PPFIBP2: variants seen among roughly 807,000 people sequenced by gnomAD.
PPFIBP2 encodes PPFIB scaffold protein 2, also known as liprin-beta-2.
A neutral mutation model predicts 118.3 loss-of-function variants in PPFIBP2; 118 were observed. That is an observed-to-expected ratio of 1.00 (90% CI 0.86 to 1.16). The LOEUF is 1.16. Among genes scored for constraint, PPFIBP2 ranks in the 50% most tolerant of loss-of-function variants. PPFIBP2 has a pLI of 0.00. For synonymous variants in PPFIBP2, 414 were observed against 397.4 expected (o/e 1.04, Z -0.50); for missense variants, 1,195 against 1,073.1 (o/e 1.11, Z -1.59).
intron 3 of PPFIBP2, among the ~76,000 whole-genome samples, chr11:7,584,101 T>G (rs1448731308): frequency 6.6e-6 from 1 of 152,250 alleles, no homozygotes; most frequent in African/African-American, 2.4e-5. Context: ...ATTTCTTTTT[T>G]CCTTCTGTCC....
intron 3 of PPFIBP2, among the ~76,000 whole-genome samples, chr11:7,568,485 ACT>A (rs1009938456): frequency 4.6e-5 from 7 of 151,888 alleles, no homozygotes; most frequent in African/African-American, 1.2e-4. Flanking sequence ...CAGGAGGGAA[ACT>A]CTCTGCAACC....
chr11:7,666,387 C>A, the PPFIBP2 span: 2 of 1,014,166 alleles, frequency 2.0e-6, no homozygotes, highest in Non-Finnish European at 3.1e-6. Flanking sequence ...AGACAGAGAC[C>A]AGTCCTCAAA....
rs1312199894 is a variant in PPFIBP2, at chr11:7,577,703, GT to G, written c.279+11940del. ...AAGTGAGGGGGAGACGCTTTGGGGT[GT>G]TTTGGGGTGTGTGTGCCTGTGTGTG... On this transcript the variant is annotated intron_variant, in intron 3 of 23. Transcript: ENST00000299492. 2.6e-5 allele frequency: 12 copies of G among 454,794 alleles called. 1 individual carries two copies. Among genetic ancestry groups the G allele is most frequent in the South Asian group, 4.7e-5 (3 of 64,380 alleles). 28.2% of individuals were successfully genotyped at this position (454,794 alleles called of 1,614,324 possible).
At position 7,552,081 on chromosome 11, in the gene PPFIBP2, T is replaced by C. The variant is rs531786000; in HGVS notation, c.64+2542T>C. ...CTGTCTGGAACAGGTATGAGAGTTTTGTAGAGAGAAGGCATTCTTTGCAAA... is the reference window on the plus strand; with the variant it reads ...CTGTCTGGAACAGGTATGAGAGTTTCGTAGAGAGAAGGCATTCTTTGCAAA... On this transcript the variant is annotated intron_variant, in intron 2 of 23. Coordinates refer to ENST00000299492, the MANE Select transcript of PPFIBP2 (RefSeq NM_003621.5). 1.1e-4 allele frequency among the ~76,000 whole-genome samples: 16 copies of C among 152,352 alleles called. No individual in the cohort carries two copies. In the South Asian group the frequency reaches 1.2e-3, roughly 12 times the overall value.
At chr11:7,666,674 A>C in the PPFIBP2 span, 9 of 612,766 alleles carry the variant, frequency 1.5e-5, no homozygotes, top group Non-Finnish European at 2.3e-5. Context: ...GCTCGCTGCC[A>C]ACTCCCACGG....
rs201826048 is a variant in PPFIBP2, at chr11:7,565,491, A to AC, written c.65-61dup. ...CGTTTCTTCACCACCTTTGCTCTTTACTAGTACCTTGCTCAGGGTGTCCAC... is the reference window on the plus strand; with the variant it reads ...CGTTTCTTCACCACCTTTGCTCTTTACCTAGTACCTTGCTCAGGGTGTCCAC... On this transcript the variant is annotated intron_variant, in intron 2 of 23. Coordinates refer to ENST00000299492, the MANE Select transcript of PPFIBP2 (RefSeq NM_003621.5). The AC allele has an allele frequency of 1.9e-3, 2,989 of 1,553,922 alleles. 55 individuals are homozygous for AC. In the African/African-American group the frequency reaches 0.035, roughly 18 times the overall value.
At chr11:7,581,561 C>G (rs989851094) in intron 3 of PPFIBP2, among the ~76,000 whole-genome samples, 7 of 152,158 alleles carry the variant, frequency 4.6e-5, no homozygotes, top group African/African-American at 1.4e-4. Context: ...AGCCTGGCCA[C>G]TTGGGCCAGA....
intron 1 of PPFIBP2, among the ~76,000 whole-genome samples, chr11:7,537,583 T>C (rs191414307): frequency 1.9e-4 from 29 of 152,358 alleles, no homozygotes; most frequent in Admixed American, 1.3e-3. Flanking sequence ...TTACGTTTAC[T>C]TCTTAGACCC....
the PPFIBP2 span, among the ~76,000 whole-genome samples, chr11:7,663,743 C>G: frequency 1.5e-3 from 234 of 152,362 alleles, 2 homozygotes; most frequent in East Asian, 5.8e-4. Context: ...GCCCCTCCCC[C>G]AGCCTCGCTG....
chr11:7,585,126 T>C (rs74051537), intron 3 of PPFIBP2, among the ~76,000 whole-genome samples: 4,305 of 152,232 alleles, frequency 0.028, 210 homozygotes, highest in African/African-American at 0.098. Flanking sequence ...CTCTGACCAG[T>C]TGGGACAGTG....
intron 3 of PPFIBP2, among the ~76,000 whole-genome samples, chr11:7,585,134 G>C (rs1857903410): frequency 6.6e-6 from 1 of 152,238 alleles, no homozygotes; most frequent in Non-Finnish European, 1.5e-5. Context: ...AGTTGGGACA[G>C]TGTATGTACT....
At chr11:7,592,961 C>T (rs1859610461) in intron 3 of PPFIBP2, among the ~76,000 whole-genome samples, 171 bp from the exon 4 acceptor site, 1 of 152,198 alleles carries the variant, frequency 6.6e-6, no homozygotes, top group African/African-American at 2.4e-5. Context: ...TGATCTGGTT[C>T]TCCTCATGGT....
At chr11:7,661,454 G>A (rs1011492179), downstream of PPFIBP2, among the ~76,000 whole-genome samples, 3 of 150,826 alleles carry the variant, frequency 2.0e-5, no homozygotes, top group African/African-American at 4.9e-5. Context: ...GCAGTCGGGT[G>A]GTTTTGAGTG....
At chr11:7,655,373 A>C, downstream of PPFIBP2, 1 of 1,222,570 alleles carries the variant, frequency 8.2e-7, no homozygotes, top group Non-Finnish European at 1.1e-6. Context: ...CTTGCATGCC[A>C]TCTCTCTGAA....
intron 18 of PPFIBP2, 106 bp from the exon 19 acceptor site, chr11:7,648,693 TG>T (rs747289857): frequency 2.1e-4 from 305 of 1,425,220 alleles, no homozygotes; most frequent in Middle Eastern, 1.1e-3. Flanking sequence ...GGGCACGGTG[TG>T]GAGATACACT....
At position 7,631,045 on chromosome 11, in the gene PPFIBP2, C is replaced by T. The variant is rs758867484; in HGVS notation, c.1068+17C>T. ...AAACAAGAGGTACTGTGTTTCCATC[C>T]ATGACGTAGGGTTTCAGCAGGTCCT... On this transcript the variant is annotated intron_variant, in intron 11 of 23. Coordinates refer to ENST00000299492, the MANE Select transcript of PPFIBP2 (RefSeq NM_003621.5). The T allele has an allele frequency of 6.3e-7, 1 of 1,596,236 alleles. No homozygotes were observed. Among genetic ancestry groups the T allele is most frequent in the South Asian group, 1.1e-5 (1 of 90,686 alleles).
chr11:7,596,371 T>C (rs1050208384), intron 4 of PPFIBP2, among the ~76,000 whole-genome samples: 2 of 149,380 alleles, frequency 1.3e-5, no homozygotes, highest in Admixed American at 6.7e-5. Context: ...ACCAAGTTGA[T>C]AGAAAGAGCC....
At chr11:7,602,087 C>CAAAAAAAAAA (rs201003988) in intron 5 of PPFIBP2, among the ~76,000 whole-genome samples, 3 of 56,180 alleles carry the variant, frequency 5.3e-5, no homozygotes, top group Admixed American at 2.1e-4. Context: ...GAATGAAACT[C>CAAAAAAAAAA]AAAAAAAAAA....
chr11:7,641,503 A>G lies in PPFIBP2; in HGVS notation c.1400A>G (p.Asp467Gly), dbSNP rs757366673. Reference sequence around the variant, plus strand: ...GGAGACACAGAAAGTGGCTGGGACGACACTGCTGTGGTCAATGACCTCTCA... The same window carrying G: ...GGAGACACAGAAAGTGGCTGGGACGGCACTGCTGTGGTCAATGACCTCTCA... Reference protein sequence around the residue: ...RLRDTESGWDDTAVVNDLSST... With the variant: ...RLRDTESGWDGTAVVNDLSST... The change falls in exon 16 of 24, where the codon GAC becomes GGC. Residue 467 changes from aspartate to glycine, a missense_variant. Physicochemically the swap from Asp to Gly is moderately conservative, Grantham distance 94. Coordinates refer to ENST00000299492, the MANE Select transcript of PPFIBP2 (RefSeq NM_003621.5). The G allele has an allele frequency of 6.2e-7, 1 of 1,613,854 alleles. No homozygotes were observed. Among genetic ancestry groups the G allele is most frequent in the South Asian group, 1.1e-5 (1 of 91,080 alleles).
Sources: gnomAD v4.1 joint callset for allele counts (sites outside exome capture counted in the v4.1 genomes callset) on GRCh38, gnomAD v4.1.1 for gene constraint, MANE v1.5 for transcripts, NCBI Gene and HGNC (gene_info 2026-07-23, HGNC 2026-07-21) for gene names.